The following GRPR variants were observed in gnomAD, a reference collection of about 807,000 sequenced individuals.
GRPR encodes the protein gastrin-releasing peptide receptor.
GRPR carries 4 observed loss-of-function variants against 15.6 expected under a neutral mutation model. The ratio of observed to expected loss-of-function variants is 0.26; its 90% CI spans 0.13 to 0.59. The LOEUF (loss-of-function observed/expected upper bound fraction) is 0.59, where lower values mean the gene tolerates loss of function less well. Ranked by LOEUF, GRPR falls within the 20% of genes least tolerant of loss-of-function variation. GRPR has a pLI of 0.90. For synonymous variants in GRPR, 128 were observed against 126.8 expected, an observed-to-expected ratio of 1.01 and a Z score of -0.06; for missense variants, 270 against 304.1, an observed-to-expected ratio of 0.89 and a Z score of 0.83.
intron 1 of GRPR, among the ~76,000 whole-genome samples, chrX:16,140,625 A>T (rs892245101): frequency 4.5e-5 from 5 of 111,520 alleles, no homozygotes; most frequent in African/African-American, 1.6e-4. Flanking sequence ...TTGGTGGGTA[A>T]ACACCCCACC....
At chrX:16,124,413 C>T in intron 1 of GRPR, 47 bp downstream of exon 1, 1 of 1,092,280 alleles carries the variant, frequency 9.2e-7, no homozygotes, top group Non-Finnish European at 1.3e-6. Context: ...TGATAGACGC[C>T]TGGGTAAATG....
intron 1 of GRPR, among the ~76,000 whole-genome samples, chrX:16,128,045 G>C (rs1282011423): frequency 8.9e-6 from 1 of 111,983 alleles, no homozygotes; most frequent in Non-Finnish European, 1.9e-5. Context: ...GAATGTTGAA[G>C]GCAGAGATTT....
chrX:16,152,234 C>T (rs1347893066), intron 2 of GRPR, 22 bp from the exon 3 acceptor site: 1 of 1,183,633 alleles, frequency 8.4e-7, no homozygotes, highest in Non-Finnish European at 1.1e-6. Context: ...CTCTGTCTCT[C>T]TCCATGTGAT....
intron 1 of GRPR, among the ~76,000 whole-genome samples, chrX:16,128,026 G>A (rs1922319436): frequency 8.9e-6 from 1 of 111,888 alleles, no homozygotes; most frequent in Admixed American, 9.5e-5. Flanking sequence ...TTTTTAGGTA[G>A]ATTATTAAGA....
At chrX:16,132,098 T>G (rs755742138) in intron 1 of GRPR, among the ~76,000 whole-genome samples, 60 of 112,454 alleles carry the variant, frequency 5.3e-4, no homozygotes, top group African/African-American at 1.8e-3. Context: ...TAAACATTTG[T>G]TGAATTGATG....
At chrX:16,129,875 C>A (rs1403889307) in intron 1 of GRPR, among the ~76,000 whole-genome samples, 1 of 111,290 alleles carries the variant, frequency 9.0e-6, no homozygotes, top group African/African-American at 3.3e-5. Flanking sequence ...CCCCCTGTCC[C>A]AAGACTTGCC....
Position 16,130,336 on chromosome X carries a change from T to A in GRPR, c.413+5970T>A, listed in dbSNP as rs182035745. Reference sequence around the variant, plus strand: ...CCAGCAGCTAGAAGTAAAAGTCATCTTGAAGTTCACACCCTTGTTTGACAC... The same window carrying A: ...CCAGCAGCTAGAAGTAAAAGTCATCATGAAGTTCACACCCTTGTTTGACAC... On this transcript the variant is annotated intron_variant, in intron 1 of 2. Coordinates refer to ENST00000380289, the MANE Select transcript of GRPR (RefSeq NM_005314.3). Among the ~76,000 whole-genome samples, 29 of 112,562 alleles carry A rather than the reference T, an allele frequency of 2.6e-4. 1 individual carries two copies. In the East Asian group the frequency reaches 7.2e-3, roughly 28 times the overall value.
At position 16,123,985 on chromosome X, in the gene GRPR, T is replaced by C. The variant is rs143909266; in HGVS notation, c.32T>C (p.Leu11Ser). ...CTAAATGACTGTTTCCTTCTGAACTTGGAGGTGGACCATTTCATGCACTGC... is the reference window on the plus strand; with the variant it reads ...CTAAATGACTGTTTCCTTCTGAACTCGGAGGTGGACCATTTCATGCACTGC... The part of the protein sequence containing the change: MALNDCFLLN[L>S]EVDHFMHCNI... Residue 11 changes from leucine to serine, a missense_variant, in exon 1 of 3, where the codon TTG (leucine) becomes TCG (serine). Leu to Ser is a moderately radical substitution (Grantham distance 145). Coordinates refer to ENST00000380289, the MANE Select transcript of GRPR (RefSeq NM_005314.3). 11 of 1,207,912 alleles carry C rather than the reference T, an allele frequency of 9.1e-6. No homozygotes were observed. The highest frequency in any genetic ancestry group is 2.2e-5 in the Admixed American group (1 of 45,750).
chrX:16,152,114 C>G, intron 2 of GRPR, 142 bp from the exon 3 acceptor site: 1 of 555,943 alleles, frequency 1.8e-6, no homozygotes, highest in Non-Finnish European at 3.2e-6. Context: ...CTATTGAACT[C>G]TTTTTCGGTG....
At chrX:16,140,318 TATG>T (rs1922512500) in intron 1 of GRPR, among the ~76,000 whole-genome samples, 1 of 112,833 alleles carries the variant, frequency 8.9e-6, no homozygotes, top group Non-Finnish European at 1.9e-5. Flanking sequence ...TGTATTTTAT[TATG>T]ATAATTTAGA....
chrX:16,145,976 G>A (rs1922599448), intron 1 of GRPR, among the ~76,000 whole-genome samples: 2 of 111,801 alleles, frequency 1.8e-5, no homozygotes, highest in Non-Finnish European at 3.8e-5. Flanking sequence ...TCATCAAGAT[G>A]ATACTTAAAC....
chrX:16,130,972 G>A (rs762673714), intron 1 of GRPR, among the ~76,000 whole-genome samples: 3 of 112,305 alleles, frequency 2.7e-5, no homozygotes, highest in South Asian at 3.7e-4. Flanking sequence ...TCTTTCAAGC[G>A]GATCAGGAGA....
rs188847932 is a variant in GRPR, at chrX:16,152,663, C to G, written c.*18C>G. ...ATGTCTAGATTGACCCTTGATTTTG[C>G]CCCCTGAGGGACGGTTTTGCTTTAT... On this transcript the variant is annotated 3_prime_UTR_variant, in exon 3 of 3. Transcript: ENST00000380289. 3 of 1,191,095 alleles carry G rather than the reference C, an allele frequency of 2.5e-6. No homozygotes were observed. The highest frequency in any genetic ancestry group is 3.4e-6 in the Non-Finnish European group (3 of 877,208).
chrX:16,145,951 C>A (rs1319789839), intron 1 of GRPR, among the ~76,000 whole-genome samples: 1 of 111,854 alleles, frequency 8.9e-6, no homozygotes, highest in Non-Finnish European at 1.9e-5. Flanking sequence ...AAGGCCTAGA[C>A]TGGTCAGCAA....
chrX:16,149,291 C>T (rs1354707360), intron 1 of GRPR, among the ~76,000 whole-genome samples: 1 of 111,370 alleles, frequency 9.0e-6, no homozygotes, highest in Non-Finnish European at 1.9e-5. Flanking sequence ...ACCTGAGAAG[C>T]TCCCTCTTTC....
At chrX:16,140,668 G>A (rs1030463340) in intron 1 of GRPR, among the ~76,000 whole-genome samples, 3 of 112,093 alleles carry the variant, frequency 2.7e-5, no homozygotes, top group South Asian at 3.7e-4. Flanking sequence ...GTTCTGGAAC[G>A]TGTTAACTGT....
intron 1 of GRPR, among the ~76,000 whole-genome samples, chrX:16,135,071 C>T (rs1260049752): frequency 9.0e-6 from 1 of 111,271 alleles, no homozygotes; most frequent in Non-Finnish European, 1.9e-5. Flanking sequence ...ACATTCACAG[C>T]CTCAAATTAT....
chrX:16,124,952 AAATCAAACATTATTT>A (rs1340325712), intron 1 of GRPR, among the ~76,000 whole-genome samples: 22 of 112,622 alleles, frequency 2.0e-4, no homozygotes, highest in Non-Finnish European at 4.1e-4. Context: ...CTCTTAAATG[AAATCAAACATTATTT>A]GAGTTTTTAA....
rs1232383088 is a variant in GRPR at position 16,150,597 on chromosome X, A to G, written c.706A>G (p.Asn236Asp). ...ISVYYYFIAKNLIQSAYNLPV... is the reference protein window; with the variant it reads ...ISVYYYFIAKDLIQSAYNLPV... ...TGTTTACTACTACTTCATTGCTAAA[A>G]ATCTGATCCAGAGTGCTTACAATCT... The change falls in exon 2 of 3, where the codon AAT (asparagine) becomes GAT (aspartate). Residue 236 changes from asparagine to aspartate, a missense_variant. Asn to Asp is a conservative substitution (Grantham distance 23). This residue lies in a region of GRPR where 133 missense variants were observed against 123.4 expected (regional missense o/e 1.08). Transcript: ENST00000380289. 5.0e-6 allele frequency: 6 copies of G among 1,199,641 alleles called. No homozygotes were observed. Among genetic ancestry groups the G allele is most frequent in the Non-Finnish European group, 4.5e-6 (4 of 885,511 alleles).
Sources: allele counts gnomAD v4.1 joint callset (sites outside exome capture counted in the v4.1 genomes callset), GRCh38; gene constraint gnomAD v4.1.1; regional missense constraint gnomAD v4.1.1; transcripts MANE v1.5; gene names NCBI Gene and HGNC (gene_info 2026-07-23, HGNC 2026-07-21).